The following MSR1 variants were observed in gnomAD, a reference collection of about 807,000 sequenced individuals.
The protein encoded by MSR1 is macrophage scavenger receptor 1.
MSR1 carries 53 observed loss-of-function variants against 47.2 expected under a neutral mutation model. That is an observed-to-expected ratio of 1.12 (90% confidence interval 0.90 to 1.41). MSR1 has a LOEUF of 1.41. MSR1 is among the 40% of genes most tolerant of loss of function. The pLI, the probability that MSR1 is intolerant of heterozygous loss-of-function variation, is 0.00. For synonymous variants in MSR1, 239 were observed against 185.6 expected, an observed-to-expected ratio of 1.29 and a Z score of -2.34; for missense variants, 786 against 546.9, an observed-to-expected ratio of 1.44 and a Z score of -4.36.
chr8:16,137,051 AG>A (rs1800407175), intron 8 of MSR1, among the ~76,000 whole-genome samples: 1 of 151,684 alleles, frequency 6.6e-6, no homozygotes, highest in Admixed American at 6.6e-5. Flanking sequence ...TTAAAAAAAA[AG>A]ACACAATAAA....
At chr8:16,116,991 G>T (rs112913753) in intron 9 of MSR1, among the ~76,000 whole-genome samples, 1 of 152,020 alleles carries the variant, frequency 6.6e-6, no homozygotes, top group Non-Finnish European at 1.5e-5. Flanking sequence ...TTTTCTCTTT[G>T]TAATAGATGA....
intron 8 of MSR1, chr8:16,141,039 A>G (rs768528637): frequency 4.3e-6 from 7 of 1,613,460 alleles, no homozygotes; most frequent in Non-Finnish European, 5.9e-6. Context: ...AGTGAGTTGT[A>G]CTGGTCCTGA....
chr8:16,172,044 G>A (rs1183096260), intron 3 of MSR1, among the ~76,000 whole-genome samples: 1 of 152,164 alleles, frequency 6.6e-6, no homozygotes, highest in Non-Finnish European at 1.5e-5. Context: ...GTACCTATAT[G>A]CCCAATATTG....
intron 8 of MSR1, among the ~76,000 whole-genome samples, chr8:16,136,259 A>T (rs1800387625): frequency 6.6e-6 from 1 of 152,188 alleles, no homozygotes; most frequent in Admixed American, 6.5e-5. Context: ...AGAAATTGCC[A>T]CAGCCACCTC....
At chr8:16,125,046 C>T (rs908971163) in intron 8 of MSR1, among the ~76,000 whole-genome samples, 1 of 151,974 alleles carries the variant, frequency 6.6e-6, no homozygotes, top group South Asian at 2.1e-4. Flanking sequence ...GGAAAAAAAC[C>T]CATATGGCTG....
chr8:16,136,795 G>A (rs140120290), intron 8 of MSR1, among the ~76,000 whole-genome samples: 2 of 152,020 alleles, frequency 1.3e-5, no homozygotes, highest in African/African-American at 4.8e-5. Flanking sequence ...TAGAGACAGG[G>A]TTTCACCATG....
chr8:16,188,982 AT>A (rs1802083575), intron 1 of MSR1, among the ~76,000 whole-genome samples: 1 of 145,948 alleles, frequency 6.9e-6, no homozygotes, highest in Non-Finnish European at 1.5e-5. Context: ...ATATATATAT[AT>A]ATATATATAT....
chr8:16,172,081 T>C (rs1401957585), intron 3 of MSR1, among the ~76,000 whole-genome samples: 1 of 152,216 alleles, frequency 6.6e-6, no homozygotes, highest in Non-Finnish European at 1.5e-5. Flanking sequence ...TAGCATTGTG[T>C]GATAAAAATC....
At chr8:16,186,297 G>GT in intron 1 of MSR1, 1 of 1,114,610 alleles carries the variant, frequency 9.0e-7, no homozygotes, top group Non-Finnish European at 1.3e-6. Context: ...TTTCTGTTCT[G>GT]TTTTCTCTCC....
At chr8:16,145,644 G>A (rs1434151164) in intron 7 of MSR1, among the ~76,000 whole-genome samples, 3 of 151,898 alleles carry the variant, frequency 2.0e-5, no homozygotes, top group East Asian at 1.9e-4. Flanking sequence ...TTTTTATTTT[G>A]CCTTTGTTCT....
At chr8:16,152,913 G>C (rs764348498) in intron 6 of MSR1, among the ~76,000 whole-genome samples, 23 of 152,028 alleles carry the variant, frequency 1.5e-4, no homozygotes, top group Non-Finnish European at 2.5e-4. Context: ...CATAGTTTTT[G>C]AGTGAAAAGT....
At chr8:16,143,700 AAATAT>A in intron 7 of MSR1, 89 bp from the exon 8 acceptor site, 2 of 902,522 alleles carry the variant, frequency 2.2e-6, no homozygotes, top group Middle Eastern at 2.4e-4. Context: ...AAGGTAATTA[AAATAT>A]AATAGAATGG....
intron 2 of MSR1, among the ~76,000 whole-genome samples, chr8:16,177,139 T>C (rs1449233977): frequency 6.6e-6 from 1 of 152,180 alleles, no homozygotes; most frequent in Non-Finnish European, 1.5e-5. Flanking sequence ...GTTTCACCAC[T>C]GCTATATGGG....
At chr8:16,156,502 T>C (rs972183250) in intron 5 of MSR1, among the ~76,000 whole-genome samples, 1 of 151,958 alleles carries the variant, frequency 6.6e-6, no homozygotes, top group Non-Finnish European at 1.5e-5. Context: ...AGGCCCAAGA[T>C]ATCATTATTA....
At chr8:16,121,717 TATAAG>T (rs1343375306) in intron 8 of MSR1, among the ~76,000 whole-genome samples, 1 of 151,812 alleles carries the variant, frequency 6.6e-6, no homozygotes, top group African/African-American at 2.4e-5. Context: ...GCTTTTCAAA[TATAAG>T]TTTGAGGAAT....
intron 3 of MSR1, among the ~76,000 whole-genome samples, chr8:16,169,905 C>A (rs182077965): frequency 3.9e-5 from 6 of 152,004 alleles, no homozygotes; most frequent in Admixed American, 3.9e-4. Flanking sequence ...AAATTATATT[C>A]TAAAATAGTA....
intron 1 of MSR1, among the ~76,000 whole-genome samples, chr8:16,178,920 T>G (rs1188824410): frequency 6.6e-6 from 1 of 152,154 alleles, no homozygotes; most frequent in East Asian, 1.9e-4. Flanking sequence ...CTGTAATAAA[T>G]AACATTTAAT....
intron 7 of MSR1, among the ~76,000 whole-genome samples, chr8:16,149,376 G>A (rs1800783729): frequency 1.3e-5 from 2 of 151,894 alleles, no homozygotes; most frequent in South Asian, 4.2e-4. Flanking sequence ...CAATGATAGG[G>A]ACCCTATTCC....
chr8:16,174,753 T>C lies in MSR1; in HGVS notation c.217+434A>G, dbSNP rs34657620. ...TTTTTTCTGCTCTCAGTACTAAGAA[T>C]AGAAGAGCTTCTCCTGGACAACAGG... On this transcript the variant is annotated intron_variant, in intron 3 of 9. Coordinates refer to ENST00000262101, the MANE Select transcript of MSR1 (RefSeq NM_138715.3). Among the ~76,000 whole-genome samples, 907 of 152,270 alleles carry C rather than the reference T, an allele frequency of 6.0e-3. 12 individuals are homozygous for C. The highest frequency in any genetic ancestry group is 0.02 in the African/African-American group (824 of 41,576).
Sources: gnomAD v4.1 joint callset for allele counts (sites outside exome capture counted in the v4.1 genomes callset) on GRCh38, gnomAD v4.1.1 for gene constraint, MANE v1.5 for transcripts, NCBI Gene and HGNC (gene_info 2026-07-23, HGNC 2026-07-21) for gene names.